UNC5C: variants seen among roughly 807,000 people sequenced by gnomAD.
The protein encoded by UNC5C is unc-5 netrin receptor C.
A neutral mutation model predicts 99.8 loss-of-function variants in UNC5C; 47 were observed. The observed-to-expected ratio is 0.47, with a 90% CI of 0.37 to 0.60. UNC5C has a LOEUF of 0.60. Among genes scored for constraint, UNC5C ranks in the 20% least tolerant of loss-of-function variants. UNC5C has a pLI of 0.00. For synonymous variants in UNC5C, 487 were observed against 452.2 expected, an observed-to-expected ratio of 1.08 and a Z score of -0.98; for missense variants, 1,062 against 1,165.9, an observed-to-expected ratio of 0.91 and a Z score of 1.30.
chr4:95,306,178 C>T (rs6532547), intron 2 of UNC5C, among the ~76,000 whole-genome samples: 104,887 of 151,632 alleles, frequency 0.69, 36,431 homozygotes, highest in East Asian at 0.84. Flanking sequence ...CTTAAGCTCT[C>T]CATATATTTT....
At chr4:95,176,283 T>C (rs1736339539) in intron 14 of UNC5C, among the ~76,000 whole-genome samples, 1 of 152,246 alleles carries the variant, frequency 6.6e-6, no homozygotes, top group Non-Finnish European at 1.5e-5. Flanking sequence ...CCATTGCTGG[T>C]GAGGAACTGC....
chr4:95,183,009 G>A lies in UNC5C; in HGVS notation c.2339C>T (p.Thr780Ile), dbSNP rs758318256. Residue 780 changes from threonine (T) to isoleucine (I), a missense_variant, in exon 14 of 16, where the codon ACC becomes ATC. Physicochemically the swap from Thr to Ile is moderately conservative, Grantham distance 89. Coordinates refer to ENST00000453304, the MANE Select transcript of UNC5C (RefSeq NM_003728.4). ...WSGSQRNLHC[T>I]FTLERFSLNT... ...CAGGCTAAATCTTTCCAGAGTGAAG[G>A]TGCAGTGCAGGTTTCTTTGAGATCC... is the stretch of plus-strand genomic sequence containing the variant. The A allele has an allele frequency of 8.7e-6, 14 of 1,612,730 alleles. No homozygotes were observed. The highest frequency in any genetic ancestry group is 1.6e-4 in the Middle Eastern group (1 of 6,082).
intron 1 of UNC5C, among the ~76,000 whole-genome samples, chr4:95,472,217 A>G (rs1253281086): frequency 6.6e-6 from 1 of 152,156 alleles, no homozygotes; most frequent in African/African-American, 2.4e-5. Context: ...TCCATTTTAA[A>G]GTATTTTAAT....
intron 1 of UNC5C, among the ~76,000 whole-genome samples, chr4:95,546,519 G>A (rs1723072864): frequency 6.6e-6 from 1 of 152,164 alleles, no homozygotes; most frequent in Admixed American, 6.5e-5. Flanking sequence ...GTGGAATAGT[G>A]CATTTTACAG....
chr4:95,424,971 T>C (rs1746436215), intron 1 of UNC5C, among the ~76,000 whole-genome samples: 1 of 152,176 alleles, frequency 6.6e-6, no homozygotes, highest in Non-Finnish European at 1.5e-5. Context: ...TTCAGGAAAT[T>C]TGAGTCGGCT....
At chr4:95,426,093 G>T (rs1388888429) in intron 1 of UNC5C, among the ~76,000 whole-genome samples, 1 of 151,990 alleles carries the variant, frequency 6.6e-6, no homozygotes, top group African/African-American at 2.4e-5. Flanking sequence ...AAGGTTTCTG[G>T]CAACCCTGTG....
At chr4:95,407,311 C>T (rs755365762) in intron 1 of UNC5C, among the ~76,000 whole-genome samples, 1 of 151,896 alleles carries the variant, frequency 6.6e-6, no homozygotes, top group South Asian at 2.1e-4. Context: ...GAGGAAGATG[C>T]TAAAGGGTAT....
chr4:95,320,422 C>CA lies in UNC5C; in HGVS notation c.346+14987dup, dbSNP rs34842898. Among the ~76,000 whole-genome samples, 506 of 94,910 alleles carry CA rather than the reference C, an allele frequency of 5.3e-3. 7 individuals carry two copies. Among genetic ancestry groups the CA allele is most frequent in the African/African-American group, 0.017 (422 of 24,920 alleles). The allele number at this position is 94,910 out of a possible 152,430, so 62.3% of individuals were successfully genotyped here. A position where few individuals can be genotyped will look rare whatever the true frequency, so the allele number is the denominator to read the frequency against. The stretch of plus-strand genomic sequence containing the variant: ...GGGTGACAAGAGAGAAATTCCATCT[C>CA]AAAAAAAAAAAAAAAAGAAAAGAAA... On this transcript the variant is annotated intron_variant, in intron 2 of 15. Transcript: ENST00000453304.
At chr4:95,176,498 G>T (rs1469348818) in intron 14 of UNC5C, among the ~76,000 whole-genome samples, 81 of 152,082 alleles carry the variant, frequency 5.3e-4, no homozygotes, top group Non-Finnish European at 8.8e-4. Context: ...TGGAATACCT[G>T]GCCGTGTGAG....
intron 1 of UNC5C, among the ~76,000 whole-genome samples, chr4:95,391,388 T>G (rs1368223164): frequency 6.6e-6 from 1 of 152,162 alleles, no homozygotes; most frequent in Non-Finnish European, 1.5e-5. Flanking sequence ...TGACACATTT[T>G]TAGAAAGTGA....
chr4:95,367,860 C>T (rs1252937067), intron 1 of UNC5C, among the ~76,000 whole-genome samples: 1 of 152,150 alleles, frequency 6.6e-6, no homozygotes, highest in African/African-American at 2.4e-5. Context: ...AATTGATCAG[C>T]TTCTATCTAA....
At chr4:95,261,348 G>A (rs866926182) in intron 4 of UNC5C, among the ~76,000 whole-genome samples, 3 of 152,162 alleles carry the variant, frequency 2.0e-5, no homozygotes, top group Non-Finnish European at 2.9e-5. Context: ...GTAGAATTGG[G>A]TGTGCTTTGA....
At position 95,358,974 on chromosome 4, in the gene UNC5C, T is replaced by C. The variant is rs1484758314; in HGVS notation, c.125-23343A>G. Reference sequence around the variant, plus strand: ...TAAAAAGTTCCAAGGACTCTGGCTATGCTTAAAGGCAGTTAAAGTTTTAAG... The same window carrying C: ...TAAAAAGTTCCAAGGACTCTGGCTACGCTTAAAGGCAGTTAAAGTTTTAAG... On this transcript the variant is annotated intron_variant, in intron 1 of 15. Transcript: ENST00000453304. Among the ~76,000 whole-genome samples the C allele has an allele frequency of 3.3e-5, 5 of 152,212 alleles. No homozygotes were observed. In the East Asian group the frequency reaches 7.7e-4, roughly 23 times the overall value.
chr4:95,429,892 G>T (rs1292139597), intron 1 of UNC5C, among the ~76,000 whole-genome samples: 1 of 152,038 alleles, frequency 6.6e-6, no homozygotes. Flanking sequence ...ACCACTAAGT[G>T]AAAGAAGCCA....
intron 1 of UNC5C, among the ~76,000 whole-genome samples, chr4:95,435,987 T>C (rs953859793): frequency 6.6e-6 from 1 of 152,212 alleles, no homozygotes; most frequent in South Asian, 2.1e-4. Context: ...ATTTATGTCA[T>C]GTATAGCAGA....
At chr4:95,499,940 C>A (rs1721736538) in intron 1 of UNC5C, among the ~76,000 whole-genome samples, 1 of 149,234 alleles carries the variant, frequency 6.7e-6, no homozygotes, top group African/African-American at 2.5e-5. Context: ...CCATTCAGTG[C>A]AGATTTAAAT....
At chr4:95,201,697 C>G (rs551850990) in intron 12 of UNC5C, among the ~76,000 whole-genome samples, 145 of 152,060 alleles carry the variant, frequency 9.5e-4, no homozygotes, top group African/African-American at 3.2e-3. Flanking sequence ...TCTGCCTCCC[C>G]AGTTCACGCC....
At chr4:95,305,908 T>G (rs561253697) in intron 2 of UNC5C, among the ~76,000 whole-genome samples, 1 of 152,316 alleles carries the variant, frequency 6.6e-6, no homozygotes, top group South Asian at 2.1e-4. Flanking sequence ...GATAATGACA[T>G]GACATTTATT....
At chr4:95,206,949 T>C (rs560131780) in intron 10 of UNC5C, among the ~76,000 whole-genome samples, 153 bp from the exon 11 acceptor site, 39 of 149,568 alleles carry the variant, frequency 2.6e-4, no homozygotes, top group Non-Finnish European at 5.0e-4. Flanking sequence ...AAATAGGTGA[T>C]ACAGAATTAA....
Sources: allele counts gnomAD v4.1 joint callset (sites outside exome capture counted in the v4.1 genomes callset), GRCh38; gene constraint gnomAD v4.1.1; transcripts MANE v1.5; gene names NCBI Gene and HGNC (gene_info 2026-07-23, HGNC 2026-07-21).